The following ACADS variants were observed in gnomAD, a reference collection of about 807,000 sequenced individuals.
ACADS encodes the protein acyl-CoA dehydrogenase short chain.
ACADS carries 28 observed loss-of-function variants against 46.8 expected under a neutral mutation model. That is an observed-to-expected ratio of 0.60 (90% CI 0.44 to 0.82). The LOEUF is 0.82. Among genes scored for constraint, ACADS ranks in the 40% least tolerant of loss-of-function variants. The pLI is 0.00. For synonymous variants in ACADS, 236 were observed against 237.7 expected, an observed-to-expected ratio of 0.99 and a Z score of 0.07; for missense variants, 528 against 578.0, an observed-to-expected ratio of 0.91 and a Z score of 0.89.
At chr12:120,737,655 C>T (rs899732691) in intron 4 of ACADS, 182 bp from the exon 5 acceptor site, 9 of 1,087,236 alleles carry the variant, frequency 8.3e-6, no homozygotes, top group African/African-American at 4.7e-5. Context: ...TGGTTTAAGA[C>T]GCCAGCTCCT....
At position 120,738,008 on chromosome 12, in the gene ACADS, G is replaced by A. The variant is rs753602905; in HGVS notation, c.624+20G>A. 1.2e-6 allele frequency: 2 copies of A among 1,613,196 alleles called. No homozygotes were observed. The highest frequency in any genetic ancestry group is 1.7e-6 in the Non-Finnish European group (2 of 1,180,010). Reference sequence around the variant, plus strand: ...AACAAGGTGGGCCCACCCAGAGAGGGGTTCAGCCGGATCCTGGGCTGCTGT... The same window carrying A: ...AACAAGGTGGGCCCACCCAGAGAGGAGTTCAGCCGGATCCTGGGCTGCTGT... On this transcript the variant is annotated intron_variant, in intron 5 of 9. Coordinates refer to ENST00000242592, the MANE Select transcript of ACADS (RefSeq NM_000017.4).
rs375931905 is a variant in ACADS at position 120,739,404 on chromosome 12, C to A, written c.1195C>A (p.Arg399=). The change falls in exon 10 of 10, where the codon CGG becomes AGG. Residue 399 remains arginine (R), a synonymous_variant. Coordinates refer to ENST00000242592, the MANE Select transcript of ACADS (RefSeq NM_000017.4). ...CTACGAGGGCACCAGCGAAATCCAG[C>A]GGCTGGTGATCGCCGGGCATCTGCT... ...EIYEGTSEIQ[R]LVIAGHLLRS... 1.9e-6 allele frequency: 3 copies of A among 1,612,298 alleles called. No homozygotes were observed. Among genetic ancestry groups the A allele is most frequent in the Non-Finnish European group, 2.5e-6 (3 of 1,179,906 alleles).
chr12:120,738,991 T>C (rs946248018), intron 8 of ACADS, 76 bp downstream of exon 8: 8 of 1,593,700 alleles, frequency 5.0e-6, no homozygotes, highest in Middle Eastern at 3.3e-4. Flanking sequence ...GGCGGGTCTC[T>C]GCTCCTTGGC....
rs887735493 is a variant in ACADS at position 120,725,826 on chromosome 12, A to C, written c.-60A>C. 18 of 1,508,350 alleles carry C rather than the reference A, an allele frequency of 1.2e-5. No individual in the cohort carries two copies. Among genetic ancestry groups the C allele is most frequent in the East Asian group, 5.2e-5 (2 of 38,628 alleles). 93.4% of individuals were successfully genotyped at this position (1,508,350 alleles called of 1,614,324 possible). A position where few individuals can be genotyped will look rare whatever the true frequency, so the allele number is the denominator to read the frequency against. On this transcript the variant is annotated 5_prime_UTR_variant, in exon 1 of 10. Transcript: ENST00000242592. ...TCTGTCCCGGGTCCCGCCCCCCAGCACTCCGGAACAGCGCGCTCGCAGCGG... is the reference window on the plus strand; with the variant it reads ...TCTGTCCCGGGTCCCGCCCCCCAGCCCTCCGGAACAGCGCGCTCGCAGCGG...
intron 9 of ACADS, 36 bp downstream of exon 9, chr12:120,739,232 G>A (rs1883575450): frequency 4.3e-6 from 7 of 1,612,846 alleles, no homozygotes; most frequent in Non-Finnish European, 5.9e-6. Context: ...GGGGCCAGCT[G>A]CCCCTTCTCC....
chr12:120,739,344 G>A lies in ACADS; in HGVS notation c.1135G>A (p.Glu379Lys). The change falls in exon 10 of 10, where the codon GAG (glutamate) becomes AAG (lysine). Residue 379 changes from glutamate (E) to lysine (K), a missense_variant. Transcript: ENST00000242592. ...GMGYVTEMPA[E>K]RHYRDARITE... ...GGGCTACGTGACAGAGATGCCGGCA[G>A]AGCGGCACTACCGCGACGCCCGCAT... 6.2e-7 allele frequency: 1 copy of A among 1,613,098 alleles called. No individual in the cohort carries two copies. Among genetic ancestry groups the A allele is most frequent in the Non-Finnish European group, 8.5e-7 (1 of 1,179,972 alleles).
chr12:120,734,155 ACT>A lies in ACADS; in HGVS notation c.211-2828_211-2827del, dbSNP rs1375260277. On this transcript the variant is annotated intron_variant, in intron 2 of 9. Coordinates refer to ENST00000242592, the MANE Select transcript of ACADS (RefSeq NM_000017.4). ...AAAGACTCTGTGATGACACTGGGTGACTCTGATCATCCAGAATAACCCTCACA... is the reference window on the plus strand; with the variant it reads ...AAAGACTCTGTGATGACACTGGGTGACTGATCATCCAGAATAACCCTCACA... Among the ~76,000 whole-genome samples, 6 of 152,158 alleles carry A rather than the reference ACT, an allele frequency of 3.9e-5. No individual in the cohort carries two copies. In the South Asian group the frequency reaches 1.0e-3, roughly 26 times the overall value.
intron 1 of ACADS, 51 bp from the exon 2 acceptor site, chr12:120,726,975 C>A (rs766473423): frequency 6.2e-7 from 1 of 1,607,552 alleles, no homozygotes; most frequent in South Asian, 1.1e-5. Flanking sequence ...CACTAGGATT[C>A]TTGGAGACCT....
chr12:120,737,179 G>C, intron 3 of ACADS, 44 bp downstream of exon 3: 1 of 1,553,120 alleles, frequency 6.4e-7, no homozygotes, highest in Non-Finnish European at 8.7e-7. Flanking sequence ...GTGGAGGGAG[G>C]CTCCCGTGAG....
At chr12:120,732,635 C>T (rs1883290641) in intron 2 of ACADS, among the ~76,000 whole-genome samples, 1 of 149,076 alleles carries the variant, frequency 6.7e-6, no homozygotes, top group African/African-American at 2.5e-5. Flanking sequence ...GGCAGTGGGG[C>T]AGAGGCGCTC....
rs1452314438 is a variant in ACADS at position 120,738,279 on chromosome 12, G to A, written c.625-1G>A. On this transcript the variant is annotated splice_acceptor_variant, in intron 5 of 9. Coordinates refer to ENST00000242592, the MANE Select transcript of ACADS (RefSeq NM_000017.4). LOFTEE classifies it high-confidence loss of function. ...AGAAAACCACCCGCCTCTCCTTTCA[G>A]GGCATCAGTGCCTTCCTGGTCCCCA... 1.9e-6 allele frequency: 3 copies of A among 1,614,054 alleles called. No homozygotes were observed. Among genetic ancestry groups the A allele is most frequent in the African/African-American group, 2.7e-5 (2 of 74,934 alleles).
At chr12:120,729,865 C>G (rs754313929) in intron 2 of ACADS, among the ~76,000 whole-genome samples, 1 of 152,182 alleles carries the variant, frequency 6.6e-6, no homozygotes, top group African/African-American at 2.4e-5. Context: ...AGGCTGTGCT[C>G]TTAGGTGCTG....
chr12:120,738,695 G>C (rs756827824), intron 7 of ACADS, 25 bp downstream of exon 7: 1 of 1,610,262 alleles, frequency 6.2e-7, no homozygotes, highest in Non-Finnish European at 8.5e-7. Flanking sequence ...TTTAGGAGCT[G>C]GGCCTAGAGG....
chr12:120,737,611 C>T (rs1433706954), intron 4 of ACADS, 144 bp downstream of exon 4: 14 of 1,058,696 alleles, frequency 1.3e-5, no homozygotes, highest in South Asian at 6.8e-5. Context: ...CTTGCCACCG[C>T]GGCGCTGGGA....
rs1054228265 is a variant in ACADS, at chr12:120,728,855, G to A, written c.210+1666G>A. Among the ~76,000 whole-genome samples the A allele has an allele frequency of 2.0e-5, 3 of 152,172 alleles. No homozygotes were observed. The highest frequency in any genetic ancestry group is 7.2e-5 in the African/African-American group (3 of 41,428). On this transcript the variant is annotated intron_variant, in intron 2 of 9. Coordinates refer to ENST00000242592, the MANE Select transcript of ACADS (RefSeq NM_000017.4). The surrounding 1 kb of genome is among the most constrained non-coding windows in gnomAD (Gnocchi z 4.0). Reference sequence around the variant, plus strand: ...CGTAAAACATTGTTTTTATATGAGGGACCCACTAACCGTTTCCCAGATATG... The same window carrying A: ...CGTAAAACATTGTTTTTATATGAGGAACCCACTAACCGTTTCCCAGATATG...
chr12:120,731,167 GT>G (rs1180952846), intron 2 of ACADS, among the ~76,000 whole-genome samples: 1 of 152,126 alleles, frequency 6.6e-6, no homozygotes, highest in Non-Finnish European at 1.5e-5. Context: ...GTCTCGCCAT[GT>G]TGATGAAGCT....
Position 120,738,323 on chromosome 12 carries a change from C to T in ACADS, c.668C>T (p.Thr223Met), listed in dbSNP as rs143131689. Residue 223 changes from threonine (T) to methionine (M), a missense_variant, in exon 6 of 10, where the codon ACG becomes ATG. Thr to Met is a moderately conservative substitution (Grantham distance 81, BLOSUM62 -1). Transcript: ENST00000242592. ...FLVPMPTPGL[T>M]LGKKEDKLGI... ...GTCCCCATGCCAACGCCTGGGCTCA[C>T]GTTGGGGAAGAAAGAAGACAAGCTG... 57 of 1,614,088 alleles carry T rather than the reference C, an allele frequency of 3.5e-5. No individual in the cohort carries two copies. The highest frequency in any genetic ancestry group is 1.1e-4 in the South Asian group (10 of 91,092).
chr12:120,738,539 C>A lies in ACADS; in HGVS notation c.802C>A (p.Leu268Met). 1 of 1,609,774 alleles carries A rather than the reference C, an allele frequency of 6.2e-7. No individual in the cohort carries two copies. The highest frequency in any genetic ancestry group is 1.7e-5 in the Admixed American group (1 of 60,028). ...GMGFKIAMQT[L>M]DMGRIGIASQ... Reference sequence around the variant, plus strand: ...ACCAGGGCGGTCCCCACAGCAAACCCTGGACATGGGCCGCATCGGCATCGC... The same window carrying A: ...ACCAGGGCGGTCCCCACAGCAAACCATGGACATGGGCCGCATCGGCATCGC... Residue 268 changes from leucine (L) to methionine (M), a missense_variant, in exon 7 of 10, where the codon CTG (leucine) becomes ATG (methionine). By Grantham distance (15) the Leu-to-Met change is conservative. Transcript: ENST00000242592.
chr12:120,738,806 TG>T lies in ACADS; in HGVS notation c.934-10del, dbSNP rs755177866. On this transcript the variant is annotated splice_polypyrimidine_tract_variant and intron_variant, in intron 7 of 9. Coordinates refer to ENST00000242592, the MANE Select transcript of ACADS (RefSeq NM_000017.4). Reference sequence around the variant, plus strand: ...GCAGCTGCTGACCTGTGGTGTGGGGTGGGGCTATTGCAGTTCAAGTTGGCAG... The same window carrying T: ...GCAGCTGCTGACCTGTGGTGTGGGGTGGGCTATTGCAGTTCAAGTTGGCAG... The T allele has an allele frequency of 4.3e-6, 7 of 1,613,480 alleles. No homozygotes were observed. Among genetic ancestry groups the T allele is most frequent in the African/African-American group, 1.3e-5 (1 of 74,872 alleles).
Sources: gnomAD v4.1 joint callset for allele counts (sites outside exome capture counted in the v4.1 genomes callset) on GRCh38, gnomAD v4.1.1 for gene constraint, Gnocchi (gnomAD v3.1) non-coding constraint, MANE v1.5 for transcripts, NCBI Gene and HGNC (gene_info 2026-07-23, HGNC 2026-07-21) for gene names.